NRXN3: variants seen among roughly 807,000 people sequenced by gnomAD.
NRXN3 encodes the protein neurexin III.
In NRXN3, 32 loss-of-function variants were observed where a neutral mutation model predicts 137.6. That is an observed-to-expected ratio of 0.23 (90% CI 0.18 to 0.31). The LOEUF is 0.31. Among genes scored for constraint, NRXN3 ranks in the 10% least tolerant of loss-of-function variants. The pLI, the probability that NRXN3 is intolerant of heterozygous loss-of-function variation, is 1.00. For synonymous variants in NRXN3, 798 were observed against 784.5 expected, an observed-to-expected ratio of 1.02 and a Z score of -0.29; for missense variants, 1,574 against 2,062.5, an observed-to-expected ratio of 0.76 and a Z score of 4.59.
intron 19 of NRXN3, among the ~76,000 whole-genome samples, chr14:79,717,870 G>A (rs2098828914): frequency 6.6e-6 from 1 of 152,128 alleles, no homozygotes; most frequent in South Asian, 2.1e-4. Flanking sequence ...CATCCCTCAA[G>A]CACCCTAGTC....
At chr14:79,236,333 TTATG>T (rs1377445302) in intron 15 of NRXN3, among the ~76,000 whole-genome samples, 1 of 152,098 alleles carries the variant, frequency 6.6e-6, no homozygotes, top group Non-Finnish European at 1.5e-5. Flanking sequence ...GTATGTGTAT[TTATG>T]TGTGTGTATA....
At chr14:79,412,152 C>T (rs999841782) in intron 15 of NRXN3, among the ~76,000 whole-genome samples, 1 of 151,924 alleles carries the variant, frequency 6.6e-6, no homozygotes, top group Non-Finnish European at 1.5e-5. Context: ...ATCAGGGCAC[C>T]AAGTATATAT....
intron 10 of NRXN3, among the ~76,000 whole-genome samples, chr14:78,877,303 T>C (rs2099116162): frequency 6.6e-6 from 1 of 152,160 alleles, no homozygotes; most frequent in African/African-American, 2.4e-5. Context: ...TGTTGTTGAA[T>C]GAATATTGGT....
At chr14:78,400,575 T>C (rs900760095) in intron 4 of NRXN3, among the ~76,000 whole-genome samples, 12 of 152,214 alleles carry the variant, frequency 7.9e-5, no homozygotes, top group African/African-American at 2.9e-4. Context: ...TCCAGTGAGC[T>C]AGTGAAGGAT....
chr14:79,255,496 T>C (rs528470498), intron 15 of NRXN3, among the ~76,000 whole-genome samples: 5 of 152,260 alleles, frequency 3.3e-5, no homozygotes, highest in Non-Finnish European at 7.3e-5. Context: ...CAAGATGTTT[T>C]ACCTTTCTAA....
At chr14:78,455,304 A>C (rs2094664554) in intron 4 of NRXN3, among the ~76,000 whole-genome samples, 1 of 152,180 alleles carries the variant, frequency 6.6e-6, no homozygotes, top group Non-Finnish European at 1.5e-5. Context: ...CATTCCTTTC[A>C]GTCCAGTTTT....
chr14:78,491,181 C>T (rs1159589512), intron 4 of NRXN3, among the ~76,000 whole-genome samples: 3 of 152,196 alleles, frequency 2.0e-5, no homozygotes, highest in African/African-American at 7.2e-5. Context: ...AGCTGGTCCA[C>T]AGGCCCCAGC....
chr14:78,738,780 G>GC (rs2098552008), intron 8 of NRXN3, among the ~76,000 whole-genome samples: 1 of 152,044 alleles, frequency 6.6e-6, no homozygotes. Context: ...AGGGGTGGGG[G>GC]GGTGCTTTAA....
intron 4 of NRXN3, among the ~76,000 whole-genome samples, chr14:78,636,215 T>C (rs1458163709): frequency 6.6e-6 from 1 of 152,190 alleles, no homozygotes; most frequent in Non-Finnish European, 1.5e-5. Context: ...ATGTGGCTTT[T>C]ACTGCAGTAA....
chr14:79,789,436 G>C (rs2099138708), intron 19 of NRXN3, among the ~76,000 whole-genome samples: 1 of 152,116 alleles, frequency 6.6e-6, no homozygotes, highest in Non-Finnish European at 1.5e-5. Flanking sequence ...TTCAGGGTGA[G>C]TTCACAGGGT....
chr14:78,427,258 C>A (rs1005319602), intron 4 of NRXN3, among the ~76,000 whole-genome samples: 1 of 152,184 alleles, frequency 6.6e-6, no homozygotes, highest in African/African-American at 2.4e-5. Context: ...AGGAACTGGG[C>A]AACCTGTCTA....
chr14:79,103,333 A>G (rs979737096), intron 15 of NRXN3, among the ~76,000 whole-genome samples: 4 of 152,164 alleles, frequency 2.6e-5, no homozygotes, highest in African/African-American at 9.7e-5. Flanking sequence ...TAATTGATTG[A>G]TGGTTGAAGG....
chr14:79,317,422 TC>T (rs1383002697), intron 15 of NRXN3, among the ~76,000 whole-genome samples: 1 of 152,170 alleles, frequency 6.6e-6, no homozygotes. Flanking sequence ...CTGTGTGTCT[TC>T]CCCTCTTCAC....
chr14:79,344,527 A>G (rs1009601172), intron 15 of NRXN3, among the ~76,000 whole-genome samples: 1 of 152,244 alleles, frequency 6.6e-6, no homozygotes, highest in Admixed American at 6.5e-5. Flanking sequence ...CTAACATAAT[A>G]GATTAAAATA....
intron 10 of NRXN3, among the ~76,000 whole-genome samples, chr14:78,870,674 A>C (rs1478042275): frequency 6.6e-6 from 1 of 151,340 alleles, no homozygotes; most frequent in Non-Finnish European, 1.5e-5. Context: ...CCCCCTTTTT[A>C]TGTTCCCCTC....
intron 16 of NRXN3, among the ~76,000 whole-genome samples, chr14:79,496,827 A>G (rs1185306504): frequency 6.6e-6 from 1 of 152,218 alleles, no homozygotes; most frequent in East Asian, 1.9e-4. Context: ...TGGAGACCCA[A>G]AAGCAGATGA....
Position 79,412,896 on chromosome 14 carries a change from A to C in NRXN3, c.3263-54325A>C, listed in dbSNP as rs144950834. Among the ~76,000 whole-genome samples, 4 of 151,958 alleles carry C rather than the reference A, an allele frequency of 2.6e-5. No individual in the cohort carries two copies. In the East Asian group the frequency reaches 5.8e-4, roughly 22 times the overall value. ...CAATAAAATGCATAGCAAGTTGACT[A>C]TTCAAACCAAAAGGCCTCCAGTTGA... On this transcript the variant is annotated intron_variant, in intron 15 of 20. Transcript: ENST00000335750.
At chr14:78,527,004 A>G (rs1456387239) in intron 4 of NRXN3, among the ~76,000 whole-genome samples, 3 of 152,222 alleles carry the variant, frequency 2.0e-5, no homozygotes, top group African/African-American at 7.2e-5. Flanking sequence ...ACAGAATTCA[A>G]GTAATCTAGA....
intron 15 of NRXN3, among the ~76,000 whole-genome samples, chr14:79,234,334 A>T (rs1597601912): frequency 2.9e-5 from 3 of 103,774 alleles, no homozygotes; most frequent in Non-Finnish European, 3.9e-5. Flanking sequence ...ATATATATAT[A>T]TATATAATAT....
Sources: gnomAD v4.1 joint callset for allele counts (sites outside exome capture counted in the v4.1 genomes callset) on GRCh38, gnomAD v4.1.1 for gene constraint, MANE v1.5 for transcripts, NCBI Gene and HGNC (gene_info 2026-07-23, HGNC 2026-07-21) for gene names.